The following CCDC138 variants were observed in gnomAD, a reference collection of about 807,000 sequenced individuals.
CCDC138 encodes the protein coiled-coil domain containing 138.
A neutral mutation model predicts 82.3 loss-of-function variants in CCDC138; 66 were observed. The ratio of observed to expected loss-of-function variants is 0.80; its 90% CI spans 0.66 to 0.98. The LOEUF (loss-of-function observed/expected upper bound fraction) is 0.98, where lower values mean the gene tolerates loss of function less well. CCDC138 is among the 50% of genes least tolerant of loss of function. CCDC138 has a pLI of 0.00. For synonymous variants in CCDC138, 297 were observed against 265.4 expected, an observed-to-expected ratio of 1.12 and a Z score of -1.16; for missense variants, 816 against 758.9, an observed-to-expected ratio of 1.08 and a Z score of -0.88.
chr2:108,789,167 T>C (rs986307003), intron 3 of CCDC138, among the ~76,000 whole-genome samples: 11 of 152,232 alleles, frequency 7.2e-5, no homozygotes, highest in African/African-American at 2.7e-4. Flanking sequence ...AGCATAGACC[T>C]AGCATTATAT....
chr2:108,864,176 A>T (rs551569634), intron 13 of CCDC138, among the ~76,000 whole-genome samples: 1 of 152,342 alleles, frequency 6.6e-6, no homozygotes, highest in South Asian at 2.1e-4. Flanking sequence ...AAAAAAAACA[A>T]AACATTGCAT....
chr2:108,858,553 G>T (rs538699370), intron 13 of CCDC138, among the ~76,000 whole-genome samples: 1 of 152,142 alleles, frequency 6.6e-6, no homozygotes, highest in Non-Finnish European at 1.5e-5. Flanking sequence ...TTCAGTACTT[G>T]TTGGTCAGCC....
At chr2:108,807,991 A>T (rs1683152565) in intron 7 of CCDC138, among the ~76,000 whole-genome samples, 1 of 152,150 alleles carries the variant, frequency 6.6e-6, no homozygotes, top group East Asian at 1.9e-4. Flanking sequence ...ACCTCTAGTA[A>T]CCAATATTAT....
At chr2:108,811,019 T>A (rs1199916386) in intron 7 of CCDC138, among the ~76,000 whole-genome samples, 1 of 152,100 alleles carries the variant, frequency 6.6e-6, no homozygotes, top group Non-Finnish European at 1.5e-5. Flanking sequence ...TGTATTTCTG[T>A]GGTACTGCTT....
At chr2:108,820,240 C>T (rs1685447685) in intron 10 of CCDC138, among the ~76,000 whole-genome samples, 1 of 151,752 alleles carries the variant, frequency 6.6e-6, no homozygotes, top group Non-Finnish European at 1.5e-5. Context: ...CGACCCCGTG[C>T]CTACAAAAAG....
At chr2:108,812,195 G>A (rs1278900532) in intron 7 of CCDC138, among the ~76,000 whole-genome samples, 1 of 151,908 alleles carries the variant, frequency 6.6e-6, no homozygotes, top group South Asian at 2.1e-4. Context: ...CCATATATAG[G>A]AAGTCAGTTC....
intron 4 of CCDC138, 82 bp downstream of exon 4, chr2:108,791,884 A>G: frequency 2.2e-6 from 3 of 1,338,532 alleles, no homozygotes; most frequent in African/African-American, 1.5e-5. Flanking sequence ...TAGTAATAAC[A>G]CTGGCCCCCA....
intron 10 of CCDC138, among the ~76,000 whole-genome samples, chr2:108,820,423 A>G (rs938626359): frequency 6.6e-6 from 1 of 152,174 alleles, no homozygotes; most frequent in East Asian, 1.9e-4. Flanking sequence ...TTGTAGAAAT[A>G]ATGGCTGAAA....
chr2:108,876,275 G>C lies in CCDC138; in HGVS notation c.*22G>C. On this transcript the variant is annotated 3_prime_UTR_variant, in exon 15 of 15. Coordinates refer to ENST00000295124, the MANE Select transcript of CCDC138 (RefSeq NM_144978.3). ...TTAGACTGGCTAATTTTTTAATATA[G>C]TATATGTGGTGCTTATTTATAAACA... The C allele has an allele frequency of 7.3e-7, 1 of 1,371,616 alleles. No individual in the cohort carries two copies. The highest frequency in any genetic ancestry group is 1.5e-5 in the South Asian group (1 of 67,390). 85.0% of individuals were successfully genotyped at this position (1,371,616 alleles called of 1,614,324 possible). A position where few individuals can be genotyped will look rare whatever the true frequency, so the allele number is the denominator to read the frequency against.
chr2:108,809,796 TTTTGTTTG>T (rs70956279), intron 7 of CCDC138, among the ~76,000 whole-genome samples: 79 of 150,784 alleles, frequency 5.2e-4, no homozygotes, highest in South Asian at 1.5e-3. Context: ...CATTTCCAAT[TTTTGTTTG>T]TTTGTTTGTT....
At chr2:108,811,376 C>G (rs1380679877) in intron 7 of CCDC138, among the ~76,000 whole-genome samples, 1 of 151,048 alleles carries the variant, frequency 6.6e-6, no homozygotes, top group Non-Finnish European at 1.5e-5. Flanking sequence ...TCCTTAGTAG[C>G]TGGGACTGCA....
chr2:108,864,677 C>T (rs1694139526), intron 13 of CCDC138, among the ~76,000 whole-genome samples: 1 of 152,006 alleles, frequency 6.6e-6, no homozygotes, highest in Non-Finnish European at 1.5e-5. Context: ...GCCTGTAGTC[C>T]CAGCTACTCG....
At position 108,788,976 on chromosome 2, in the gene CCDC138, C is replaced by T; in HGVS notation, c.266+10C>T. The stretch of plus-strand genomic sequence containing the variant: ...ACGTAAATGTGAATTGGTAAAGTAC[C>T]CTGAAACTTTACTGTTGCTACCCCC... On this transcript the variant is annotated intron_variant, in intron 3 of 14. Transcript: ENST00000295124. 1.9e-6 allele frequency: 3 copies of T among 1,613,352 alleles called. No homozygotes were observed. The highest frequency in any genetic ancestry group is 2.5e-6 in the Non-Finnish European group (3 of 1,179,764).
At chr2:108,828,572 A>G (rs1687028653) in intron 10 of CCDC138, among the ~76,000 whole-genome samples, 1 of 152,246 alleles carries the variant, frequency 6.6e-6, no homozygotes, top group Admixed American at 6.5e-5. Flanking sequence ...ATTTTTGACA[A>G]GCGTACGGAG....
downstream of CCDC138, among the ~76,000 whole-genome samples, chr2:108,876,913 G>A (rs1696058205): frequency 6.6e-6 from 1 of 152,156 alleles, no homozygotes; most frequent in African/African-American, 2.4e-5. Context: ...CCAAAGATGA[G>A]TAAAGTGGCC....
chr2:108,871,806 A>G (rs886435609), intron 13 of CCDC138, among the ~76,000 whole-genome samples: 3 of 152,048 alleles, frequency 2.0e-5, no homozygotes, highest in Non-Finnish European at 4.4e-5. Flanking sequence ...TTTAAAAGTG[A>G]TATTGCTATT....
chr2:108,799,517 C>G (rs1233412746), intron 6 of CCDC138, among the ~76,000 whole-genome samples: 1 of 152,190 alleles, frequency 6.6e-6, no homozygotes, highest in Non-Finnish European at 1.5e-5. Context: ...GTACATCTGC[C>G]TTTTCCAGAA....
intron 10 of CCDC138, among the ~76,000 whole-genome samples, chr2:108,829,019 A>G (rs1303581245): frequency 6.6e-6 from 1 of 152,204 alleles, no homozygotes; most frequent in African/African-American, 2.4e-5. Context: ...AAAGGCTTAA[A>G]TGTAAGAATT....
intron 5 of CCDC138, among the ~76,000 whole-genome samples, chr2:108,795,205 A>G (rs1680672506): frequency 8.8e-6 from 1 of 114,020 alleles, no homozygotes; most frequent in African/African-American, 3.5e-5. Flanking sequence ...CCCAGGCTGG[A>G]GTGCTGTGGT....
Sources: gnomAD v4.1 joint callset for allele counts (sites outside exome capture counted in the v4.1 genomes callset) on GRCh38, gnomAD v4.1.1 for gene constraint, MANE v1.5 for transcripts, NCBI Gene and HGNC (gene_info 2026-07-23, HGNC 2026-07-21) for gene names.